Variants in TIAM1 observed in about 807,000 individuals in gnomAD.
TIAM1 encodes TIAM Rac1 associated GEF 1.
Under a neutral mutation model 163.5 loss-of-function variants are expected in TIAM1, and 65 were observed. The observed-to-expected ratio is 0.40, with a 90% CI of 0.33 to 0.49. TIAM1 has a LOEUF of 0.49. Ranked by LOEUF, TIAM1 falls within the 20% of genes least tolerant of loss-of-function variation. TIAM1 has a pLI of 0.77. For missense variants in TIAM1, 1,789 were observed against 2,044.7 expected (o/e 0.87, Z 2.41); for synonymous variants, 833 against 810.1 (o/e 1.03, Z -0.48).
In TIAM1 at chr21:31,332,899, A is replaced by G. The variant is rs184979771; in HGVS notation, c.-189+6344T>C. 2.8e-3 allele frequency among the ~76,000 whole-genome samples: 427 copies of G among 152,272 alleles called. 2 individuals are homozygous for G. Among genetic ancestry groups the G allele is most frequent in the Non-Finnish European group, 3.8e-3 (257 of 68,024 alleles). ...AAATATTGAGAAAGGTGAAGCAGAA[A>G]CACTAAGAGTCCACATTGGTTTTCT... is the stretch of plus-strand genomic sequence containing the variant. On this transcript the variant is annotated intron_variant, in intron 2 of 27. Transcript: ENST00000541036.
At chr21:31,401,985 C>T (rs763816439) in intron 2 of TIAM1, among the ~76,000 whole-genome samples, 41 of 151,644 alleles carry the variant, frequency 2.7e-4, no homozygotes, top group Admixed American at 7.2e-4. Flanking sequence ...GAGGCCGATG[C>T]GGGTGGATCA....
chr21:31,255,150 C>T (rs2072025725), intron 4 of TIAM1, among the ~76,000 whole-genome samples: 1 of 152,162 alleles, frequency 6.6e-6, no homozygotes, highest in South Asian at 2.1e-4. Context: ...AAAAGACCTG[C>T]GGGCCCCAGG....
intron 13 of TIAM1, among the ~76,000 whole-genome samples, chr21:31,194,567 C>T (rs1288568890): frequency 2.0e-5 from 3 of 152,142 alleles, no homozygotes; most frequent in Admixed American, 2.0e-4. Flanking sequence ...TGAGTTCCTG[C>T]ATTATGCCCG....
intron 1 of TIAM1, among the ~76,000 whole-genome samples, chr21:31,528,982 C>T (rs948709127): frequency 4.8e-5 from 7 of 145,320 alleles, no homozygotes; most frequent in South Asian, 2.2e-4. Context: ...AGTGCAGTGG[C>T]GCGATCTCAG....
intron 10 of TIAM1, among the ~76,000 whole-genome samples, chr21:31,211,987 T>C (rs1224758469): frequency 6.6e-6 from 1 of 152,240 alleles, no homozygotes; most frequent in Non-Finnish European, 1.5e-5. Flanking sequence ...AATAATGGTA[T>C]GCAAGATGAA....
chr21:31,536,713 C>T (rs1569419509), intron 1 of TIAM1, among the ~76,000 whole-genome samples: 1 of 152,184 alleles, frequency 6.6e-6, no homozygotes, highest in African/African-American at 2.4e-5. Context: ...AGGGCATGGG[C>T]ACGAGCCCTA....
chr21:31,537,880 C>T (rs1258917915), intron 1 of TIAM1, among the ~76,000 whole-genome samples: 1 of 152,150 alleles, frequency 6.6e-6, no homozygotes, highest in African/African-American at 2.4e-5. Context: ...AATCTTGAAA[C>T]CATGTAAAGG....
At chr21:31,347,675 TG>T (rs1243655046), upstream of TIAM1, among the ~76,000 whole-genome samples, 2 of 152,244 alleles carry the variant, frequency 1.3e-5, no homozygotes, top group Admixed American at 1.3e-4. Flanking sequence ...GGGATGAACC[TG>T]GGAATGACGC....
chr21:31,326,610 T>C (rs534203228), intron 2 of TIAM1, among the ~76,000 whole-genome samples: 1 of 152,212 alleles, frequency 6.6e-6, no homozygotes, highest in African/African-American at 2.4e-5. Flanking sequence ...AAGTCCCTAG[T>C]ATCTCAGGGT....
intron 2 of TIAM1, among the ~76,000 whole-genome samples, chr21:31,296,875 G>T (rs779114413): frequency 6.6e-6 from 1 of 152,172 alleles, no homozygotes; most frequent in Non-Finnish European, 1.5e-5. Context: ...GTGTTAGCCA[G>T]GATGGTCTTG....
rs1349421636 is a variant in TIAM1, at chr21:31,395,278, A to G, written c.-368-55856T>C. Among the ~76,000 whole-genome samples the G allele has an allele frequency of 1.3e-5, 2 of 151,806 alleles. No individual in the cohort carries two copies. The highest frequency in any genetic ancestry group is 2.9e-5 in the Non-Finnish European group (2 of 67,926). On this transcript the variant is annotated intron_variant, in intron 2 of 28. Transcript: ENST00000286827. This position sits in a 1 kb window ranked among gnomAD's most constrained non-coding sequence, Gnocchi z 7.5. ...GAGGTGGGGGGAGAACAAAACTAGT[A>G]ATTGGAGCTCTCTGGAGATGTCACT...
At chr21:31,541,569 A>C (rs1388673121) in intron 1 of TIAM1, among the ~76,000 whole-genome samples, 1 of 152,264 alleles carries the variant, frequency 6.6e-6, no homozygotes, top group Non-Finnish European at 1.5e-5. Context: ...GTAAATTATG[A>C]GCTCACTGAA....
At chr21:31,493,927 A>T (rs959372739) in intron 1 of TIAM1, among the ~76,000 whole-genome samples, 5 of 79,240 alleles carry the variant, frequency 6.3e-5, no homozygotes, top group African/African-American at 4.4e-4. Flanking sequence ...TTCTTTTTTA[A>T]AAAAAAAGAC....
intron 8 of TIAM1, among the ~76,000 whole-genome samples, chr21:31,222,670 CACAT>C (rs375118181): frequency 2.1e-5 from 2 of 96,974 alleles, no homozygotes; most frequent in East Asian, 7.5e-4. Flanking sequence ...CATACATGTA[CACAT>C]ACATATATAT....
intron 1 of TIAM1, among the ~76,000 whole-genome samples, chr21:31,558,412 G>C (rs969065997): frequency 3.3e-5 from 5 of 152,178 alleles, no homozygotes; most frequent in East Asian, 1.9e-4. Flanking sequence ...GGGCGGCACG[G>C]ATCGCCAAGG....
chr21:31,235,248 G>A (rs568989494), intron 6 of TIAM1, among the ~76,000 whole-genome samples: 2 of 151,996 alleles, frequency 1.3e-5, no homozygotes, highest in South Asian at 2.1e-4. Context: ...TAAGCAATAT[G>A]AGCCTTCCTC....
intron 19 of TIAM1, 101 bp from the exon 20 acceptor site, chr21:31,147,104 A>G: frequency 1.1e-6 from 1 of 922,964 alleles, no homozygotes; most frequent in Non-Finnish European, 1.7e-6. Context: ...CCCACCCCAC[A>G]AATCAACATC....
upstream of TIAM1, among the ~76,000 whole-genome samples, chr21:31,345,720 G>A (rs1018884565): frequency 6.6e-6 from 1 of 152,212 alleles, no homozygotes; most frequent in African/African-American, 2.4e-5. Flanking sequence ...GAAGGCTGAG[G>A]CAGGTGGATC....
intron 1 of TIAM1, among the ~76,000 whole-genome samples, chr21:31,542,192 G>C (rs540197688): frequency 6.6e-6 from 1 of 152,114 alleles, no homozygotes; most frequent in African/African-American, 2.4e-5. Flanking sequence ...TTGGGAGGCC[G>C]AGGCGGGAGG....
Sources: allele counts gnomAD v4.1 joint callset (sites outside exome capture counted in the v4.1 genomes callset), GRCh38; gene constraint gnomAD v4.1.1; non-coding constraint Gnocchi (gnomAD v3.1); transcripts MANE v1.5; gene names NCBI Gene and HGNC (gene_info 2026-07-23, HGNC 2026-07-21).